SLC45A4: variants seen among roughly 807,000 people sequenced by gnomAD.
SLC45A4 encodes solute carrier family 45 member 4.
SLC45A4 carries 32 observed loss-of-function variants against 63.7 expected under a neutral mutation model. The observed-to-expected ratio is 0.50, with a 90% CI of 0.38 to 0.67. The LOEUF is 0.67. Ranked by LOEUF, SLC45A4 falls within the 30% of genes least tolerant of loss-of-function variation. The pLI is 0.00. For missense variants in SLC45A4, 1,027 were observed against 1,157.7 expected (o/e 0.89, Z 1.64); for synonymous variants, 535 against 510.0 (o/e 1.05, Z -0.66).
rs1264493699 is a variant in SLC45A4 at position 141,227,113 on chromosome 8, G to A, written c.242-5348C>T. Reference sequence around the variant, plus strand: ...CCGGCTCCAAACACACACAACGCTGGGCCCAGTAAATAAGTTTTGTTTTTT... The same window carrying A: ...CCGGCTCCAAACACACACAACGCTGAGCCCAGTAAATAAGTTTTGTTTTTT... On this transcript the variant is annotated intron_variant, in intron 2 of 8. Coordinates refer to ENST00000517878, the MANE Select transcript of SLC45A4 (RefSeq NM_001286646.2). This position sits in a 1 kb window ranked among gnomAD's most constrained non-coding sequence, Gnocchi z 4.4. Among the ~76,000 whole-genome samples the A allele has an allele frequency of 6.6e-6, 1 of 152,158 alleles. No individual in the cohort carries two copies. The highest frequency in any genetic ancestry group is 1.5e-5 in the Non-Finnish European group (1 of 68,040).
At chr8:141,217,654 A>G (rs1401812427) in intron 5 of SLC45A4, among the ~76,000 whole-genome samples, 1 of 152,236 alleles carries the variant, frequency 6.6e-6, no homozygotes, top group Admixed American at 6.5e-5. Flanking sequence ...AGGGGCCAGA[A>G]GGGCCACCAA....
At chr8:141,297,028 G>C (rs1194333152) in intron 1 of SLC45A4, among the ~76,000 whole-genome samples, 1 of 152,110 alleles carries the variant, frequency 6.6e-6, no homozygotes, top group African/African-American at 2.4e-5. Context: ...AAGCCACCTG[G>C]TCTACGGTAC....
chr8:141,250,186 T>G (rs907209958), intron 2 of SLC45A4, among the ~76,000 whole-genome samples: 1 of 152,170 alleles, frequency 6.6e-6, no homozygotes, highest in African/African-American at 2.4e-5. Context: ...CGCAGACAGG[T>G]CCTGGGCTTA....
intron 2 of SLC45A4, among the ~76,000 whole-genome samples, chr8:141,243,687 A>T (rs999777107): frequency 1.1e-4 from 17 of 152,060 alleles, no homozygotes; most frequent in African/African-American, 4.1e-4. Context: ...GTGGGTTTGA[A>T]CTGTACCGTC....
intron 1 of SLC45A4, among the ~76,000 whole-genome samples, chr8:141,271,862 C>CAT (rs60897333): frequency 1.5e-3 from 228 of 150,158 alleles, no homozygotes; most frequent in African/African-American, 5.6e-3. Context: ...CACACACACA[C>CAT]GCACTCACAC....
At chr8:141,238,168 G>A (rs1827723535) in intron 2 of SLC45A4, among the ~76,000 whole-genome samples, 1 of 152,176 alleles carries the variant, frequency 6.6e-6, no homozygotes, top group Admixed American at 6.5e-5. Context: ...CCGAGTCTCC[G>A]AACCCTCTCC....
chr8:141,228,302 C>G (rs1827150331), intron 2 of SLC45A4: 2 of 1,607,860 alleles, frequency 1.2e-6, no homozygotes, highest in East Asian at 4.5e-5. Context: ...TGCCAGGCAC[C>G]TCCCAGCAAC....
rs866365960 is a variant in SLC45A4, at chr8:141,211,533, G to A, written c.*39C>T. On this transcript the variant is annotated 3_prime_UTR_variant, in exon 9 of 9. Transcript: ENST00000517878. ...AGGACAGGGCTGCCCTGGGCACAAT[G>A]TGTCCAACTCGCTGAGGAAAAGAAG... The A allele has an allele frequency of 3.1e-6, 5 of 1,612,972 alleles. No homozygotes were observed. The African/African-American group carries it at 6.7e-5, about 22-fold the overall frequency.
At chr8:141,225,211 T>C (rs1342369442) in intron 2 of SLC45A4, 2 of 152,176 alleles carry the variant, frequency 1.3e-5, no homozygotes, top group African/African-American at 4.8e-5. Context: ...TAACATTGAG[T>C]TGTATCCTAG....
intron 1 of SLC45A4, among the ~76,000 whole-genome samples, chr8:141,302,884 A>G (rs1210733591): frequency 4.0e-5 from 6 of 151,884 alleles, no homozygotes; most frequent in African/African-American, 1.5e-4. Context: ...CAAACCAAAA[A>G]CCATGCTCTT....
At chr8:141,220,945 C>T (rs898096665) in intron 3 of SLC45A4, among the ~76,000 whole-genome samples, 2 of 152,232 alleles carry the variant, frequency 1.3e-5, no homozygotes, top group Non-Finnish European at 2.9e-5. Context: ...CTGTTGGCGA[C>T]GAAGCCCACC....
At chr8:141,277,257 C>A (rs1829764521) in intron 1 of SLC45A4, among the ~76,000 whole-genome samples, 1 of 152,198 alleles carries the variant, frequency 6.6e-6, no homozygotes, top group African/African-American at 2.4e-5. Flanking sequence ...CAAGACAGGT[C>A]CGGGTCCGGC....
rs543189876 is a variant in SLC45A4, at chr8:141,230,588, C to T, written c.242-8823G>A. The stretch of plus-strand genomic sequence containing the variant: ...GGTAGGGCCCTGGTGGCTGGGGGGC[C>T]GCCAGGAGCAGCGCCCAGGCCAGTG... On this transcript the variant is annotated intron_variant, in intron 2 of 8. Transcript: ENST00000517878. Among the ~76,000 whole-genome samples, 610 of 152,332 alleles carry T rather than the reference C, an allele frequency of 4.0e-3. 3 individuals are homozygous for T. The highest frequency in any genetic ancestry group is 0.014 in the African/African-American group (569 of 41,584).
chr8:141,256,763 C>T lies in SLC45A4; in HGVS notation c.-400-2134G>A. ...GCCCTCGAGAATTCTTTCAAGTTTTCCAAATGTCCTCTACCGTAGAAACAT... is the reference window on the plus strand; with the variant it reads ...GCCCTCGAGAATTCTTTCAAGTTTTTCAAATGTCCTCTACCGTAGAAACAT... On this transcript the variant is annotated intron_variant, in intron 1 of 8. Transcript: ENST00000517878. The surrounding 1 kb of genome is among the most constrained non-coding windows in gnomAD (Gnocchi z 4.3). 1 of 390,304 alleles carries T rather than the reference C, an allele frequency of 2.6e-6. No individual in the cohort carries two copies. Among genetic ancestry groups the T allele is most frequent in the South Asian group, 1.8e-5 (1 of 55,854 alleles). 24.2% of individuals were successfully genotyped at this position (390,304 alleles called of 1,614,324 possible).
At chr8:141,217,895 G>A in intron 5 of SLC45A4, 116 bp downstream of exon 5, 1 of 1,264,248 alleles carries the variant, frequency 7.9e-7, no homozygotes, top group Non-Finnish European at 1.1e-6. Flanking sequence ...GGCACTGTGT[G>A]GCCTCCCTGA....
chr8:141,306,823 A>G (rs547186115), intron 1 of SLC45A4, among the ~76,000 whole-genome samples: 1 of 152,376 alleles, frequency 6.6e-6, no homozygotes, highest in South Asian at 2.1e-4. Flanking sequence ...GCTTCGATTC[A>G]GAATCTACCA....
intron 2 of SLC45A4, among the ~76,000 whole-genome samples, chr8:141,246,555 G>A (rs28413579): frequency 1.2e-3 from 180 of 147,430 alleles, no homozygotes; most frequent in African/African-American, 4.7e-3. Flanking sequence ...TTTGCGTCAG[G>A]CGACATCCCC....
intron 2 of SLC45A4, among the ~76,000 whole-genome samples, chr8:141,239,600 G>GCA (rs2154614460): frequency 6.8e-6 from 1 of 147,602 alleles, no homozygotes; most frequent in Admixed American, 6.7e-5. Context: ...ACACACACAC[G>GCA]CACGCACACA....
intron 1 of SLC45A4, among the ~76,000 whole-genome samples, chr8:141,281,904 C>T (rs937885879): frequency 6.6e-6 from 1 of 152,090 alleles, no homozygotes. Context: ...AAAGCCTGGC[C>T]CCCGTCCGGA....
Sources: gnomAD v4.1 joint callset for allele counts (sites outside exome capture counted in the v4.1 genomes callset) on GRCh38, gnomAD v4.1.1 for gene constraint, Gnocchi (gnomAD v3.1) non-coding constraint, MANE v1.5 for transcripts, NCBI Gene and HGNC (gene_info 2026-07-23, HGNC 2026-07-21) for gene names.